DAB1: variants seen among roughly 807,000 people sequenced by gnomAD.
DAB1 encodes the protein disabled homolog 1.
In DAB1, 15 loss-of-function variants were observed where a neutral mutation model predicts 64.6. The ratio of observed to expected loss-of-function variants is 0.23; its 90% CI spans 0.16 to 0.36. The LOEUF is 0.36. Ranked by LOEUF, DAB1 falls within the 10% of genes least tolerant of loss-of-function variation. DAB1 has a pLI of 1.00. For synonymous variants in DAB1, 235 were observed against 251.9 expected, an observed-to-expected ratio of 0.93 and a Z score of 0.64; for missense variants, 596 against 706.7, an observed-to-expected ratio of 0.84 and a Z score of 1.78.
chr1:57,462,763 G>T (rs1459993522), intron 7 of DAB1, among the ~76,000 whole-genome samples: 1 of 152,104 alleles, frequency 6.6e-6, no homozygotes, highest in Non-Finnish European at 1.5e-5. Context: ...ATATTTGGTG[G>T]TTTATTATTG....
intron 6 of DAB1, among the ~76,000 whole-genome samples, chr1:57,763,851 T>A (rs1649192167): frequency 6.6e-6 from 1 of 152,168 alleles, no homozygotes; most frequent in Non-Finnish European, 1.5e-5. Flanking sequence ...TTCATGTAAC[T>A]TCTTTGTTGT....
At chr1:57,808,506 A>G (rs1651473183) in intron 6 of DAB1, among the ~76,000 whole-genome samples, 1 of 152,244 alleles carries the variant, frequency 6.6e-6, no homozygotes, top group African/African-American at 2.4e-5. Context: ...AAGCATTCAG[A>G]AAATGGCTTT....
intron 5 of DAB1, among the ~76,000 whole-genome samples, chr1:58,023,677 C>T (rs2100459669): frequency 6.6e-6 from 1 of 152,250 alleles, no homozygotes; most frequent in Admixed American, 6.5e-5. Context: ...TAAGTCTCTT[C>T]CTACAAGTTT....
chr1:58,237,747 G>C (rs965068159), intron 4 of DAB1, among the ~76,000 whole-genome samples: 4 of 151,982 alleles, frequency 2.6e-5, no homozygotes, highest in African/African-American at 7.2e-5. Context: ...GCAGCCACTG[G>C]TGGCTTCAGC....
intron 6 of DAB1, among the ~76,000 whole-genome samples, chr1:57,790,512 T>G (rs144435730): frequency 2.6e-5 from 4 of 152,126 alleles, no homozygotes; most frequent in Non-Finnish European, 4.4e-5. Context: ...TAATACATCC[T>G]CCAACCCCCA....
At chr1:58,188,248 A>C (rs982969836) in intron 4 of DAB1, among the ~76,000 whole-genome samples, 1 of 152,262 alleles carries the variant, frequency 6.6e-6, no homozygotes, top group African/African-American at 2.4e-5. Flanking sequence ...AAAACAAAAA[A>C]CAAAGAATAT....
chr1:57,128,126 G>C (rs1657308519), intron 4 of DAB1, among the ~76,000 whole-genome samples: 1 of 151,286 alleles, frequency 6.6e-6, no homozygotes, highest in African/African-American at 2.4e-5. Context: ...CAGCCTGGGA[G>C]ATAAGAGTGA....
chr1:58,447,665 A>T (rs568510312), intron 3 of DAB1, among the ~76,000 whole-genome samples: 1 of 152,274 alleles, frequency 6.6e-6, no homozygotes, highest in Admixed American at 6.5e-5. Flanking sequence ...CTAATGGCAA[A>T]TGTATGACAG....
chr1:58,433,905 T>C (rs1644912832), intron 3 of DAB1, among the ~76,000 whole-genome samples: 1 of 152,090 alleles, frequency 6.6e-6, no homozygotes. Flanking sequence ...GTTAACCACA[T>C]GAATATTTGG....
At chr1:57,977,372 C>A (rs1365706526) in intron 5 of DAB1, among the ~76,000 whole-genome samples, 1 of 152,184 alleles carries the variant, frequency 6.6e-6, no homozygotes, top group Non-Finnish European at 1.5e-5. Flanking sequence ...AAGCATTCCT[C>A]TCCTCTTTAG....
chr1:58,325,124 T>C (rs556894664), intron 4 of DAB1, among the ~76,000 whole-genome samples: 10 of 152,160 alleles, frequency 6.6e-5, no homozygotes, highest in Non-Finnish European at 1.5e-4. Flanking sequence ...AGTCTCTGAT[T>C]GGACAACTGA....
At chr1:58,067,740 G>A (rs749455439) in intron 5 of DAB1, among the ~76,000 whole-genome samples, 2 of 152,166 alleles carry the variant, frequency 1.3e-5, no homozygotes, top group Non-Finnish European at 2.9e-5. Flanking sequence ...CTAGCCATAC[G>A]TATACTAGCT....
chr1:57,389,535 C>T (rs945107989), intron 1 of DAB1, among the ~76,000 whole-genome samples: 4 of 152,142 alleles, frequency 2.6e-5, no homozygotes, highest in Non-Finnish European at 5.9e-5. Flanking sequence ...GTTTCCACAC[C>T]CACTGCATAT....
intron 1 of DAB1, among the ~76,000 whole-genome samples, chr1:57,402,254 ATC>A (rs1313699149): frequency 6.6e-6 from 1 of 152,196 alleles, no homozygotes; most frequent in African/African-American, 2.4e-5. Context: ...CAAAATTTCA[ATC>A]TCTCTTATAA....
chr1:57,846,885 A>T (rs1030071697), intron 1 of DAB1, among the ~76,000 whole-genome samples: 9 of 152,232 alleles, frequency 5.9e-5, no homozygotes, highest in Admixed American at 3.3e-4. Flanking sequence ...CCAGGCAAAA[A>T]GGAGACAGTC....
At chr1:58,161,042 T>C (rs1655507736) in intron 4 of DAB1, among the ~76,000 whole-genome samples, 1 of 152,022 alleles carries the variant, frequency 6.6e-6, no homozygotes, top group African/African-American at 2.4e-5. Flanking sequence ...AAGGGTCCAT[T>C]GCCCATCTAG....
intron 7 of DAB1, among the ~76,000 whole-genome samples, chr1:57,514,246 T>C (rs991790242): frequency 2.0e-5 from 3 of 152,218 alleles, no homozygotes; most frequent in Non-Finnish European, 2.9e-5. Flanking sequence ...TTTGTAATCT[T>C]TTAAGGAACC....
intron 5 of DAB1, among the ~76,000 whole-genome samples, chr1:57,942,089 G>A (rs548450053): frequency 6.6e-6 from 1 of 152,298 alleles, no homozygotes; most frequent in South Asian, 2.1e-4. Flanking sequence ...CTCAATATGT[G>A]GAGAGTCTGG....
At chr1:57,225,509 ACCAGG>A (rs1216434081) in intron 2 of DAB1, among the ~76,000 whole-genome samples, 1 of 152,134 alleles carries the variant, frequency 6.6e-6, no homozygotes, top group Non-Finnish European at 1.5e-5. Flanking sequence ...ATACATCACA[ACCAGG>A]CCTATCTGAC....
Sources: gnomAD v4.1 joint callset for allele counts (sites outside exome capture counted in the v4.1 genomes callset) on GRCh38, gnomAD v4.1.1 for gene constraint, MANE v1.5 for transcripts, NCBI Gene and HGNC (gene_info 2026-07-23, HGNC 2026-07-21) for gene names.